ARID5B: variants seen among roughly 807,000 people sequenced by gnomAD.
ARID5B encodes AT-rich interaction domain 5B.
In ARID5B, 13 loss-of-function variants were observed where a neutral mutation model predicts 97.2. The observed-to-expected ratio is 0.13, with a 90% confidence interval of 0.09 to 0.21. ARID5B has a LOEUF of 0.21. Ranked by LOEUF, ARID5B falls within the 10% of genes least tolerant of loss-of-function variation. ARID5B has a pLI of 1.00. For missense variants in ARID5B, 1,210 were observed against 1,465.3 expected (o/e 0.83, Z 2.84); for synonymous variants, 556 against 570.3 (o/e 0.97, Z 0.36).
chr10:61,998,058 C>A (rs1393027583), intron 3 of ARID5B, among the ~76,000 whole-genome samples: 1 of 152,144 alleles, frequency 6.6e-6, no homozygotes, highest in Non-Finnish European at 1.5e-5. Context: ...ATACACAGAC[C>A]AGGCAGGAGT....
intron 3 of ARID5B, among the ~76,000 whole-genome samples, chr10:61,971,806 G>A (rs1838631691): frequency 6.6e-6 from 1 of 152,090 alleles, no homozygotes; most frequent in East Asian, 1.9e-4. Flanking sequence ...TCCTAACTTG[G>A]TGCAGCTATT....
At position 62,092,313 on chromosome 10, in the gene ARID5B, T is replaced by C. The variant is rs1589295409; in HGVS notation, c.2850T>C (p.Cys950=). The C allele has an allele frequency of 1.2e-5, 19 of 1,610,934 alleles. No homozygotes were observed. The highest frequency in any genetic ancestry group is 5.3e-5 in the African/African-American group (4 of 74,892). The stretch of plus-strand genomic sequence containing the variant: ...TCTTAGGCAGCCAGAGTCGAGACTG[T>C]CACCCCAAAGCCTGTCGGGTATCAC... The part of the protein sequence containing the change: ...FQVLGSQSRD[C]HPKACRVSPM... The change falls in exon 10 of 10, where the codon TGT becomes TGC. Residue 950 remains cysteine (C), a synonymous_variant. Coordinates refer to ENST00000279873, the MANE Select transcript of ARID5B (RefSeq NM_032199.3).
chr10:62,041,900 G>A (rs1212668973), intron 4 of ARID5B, among the ~76,000 whole-genome samples: 1 of 152,172 alleles, frequency 6.6e-6, no homozygotes, highest in Non-Finnish European at 1.5e-5. Context: ...TTTCACTTCT[G>A]TGCTGTCATG....
At chr10:61,990,821 C>A (rs573074046) in intron 3 of ARID5B, among the ~76,000 whole-genome samples, 30 of 152,300 alleles carry the variant, frequency 2.0e-4, no homozygotes, top group African/African-American at 6.3e-4. Flanking sequence ...AGTACATTCA[C>A]AATATTGTGT....
intron 3 of ARID5B, among the ~76,000 whole-genome samples, chr10:61,980,035 G>A (rs145131188): frequency 4.5e-4 from 68 of 152,172 alleles, no homozygotes; most frequent in African/African-American, 1.6e-3. Context: ...AGGGGTTGCC[G>A]TGAGCCAGGA....
chr10:62,016,043 G>T (rs1011321859), intron 4 of ARID5B, among the ~76,000 whole-genome samples: 3 of 152,236 alleles, frequency 2.0e-5, no homozygotes, highest in Non-Finnish European at 4.4e-5. Flanking sequence ...GCCTTTAGGA[G>T]ATTCAGCATT....
chr10:62,081,120 C>T (rs905605778), intron 8 of ARID5B, among the ~76,000 whole-genome samples: 2 of 152,158 alleles, frequency 1.3e-5, no homozygotes, highest in African/African-American at 4.8e-5. Context: ...GCATCTTTGA[C>T]CTGACATGCA....
intron 4 of ARID5B, among the ~76,000 whole-genome samples, chr10:62,008,992 C>T (rs1839182629): frequency 6.6e-6 from 1 of 152,160 alleles, no homozygotes; most frequent in South Asian, 2.1e-4. Flanking sequence ...GCTTCTGTCA[C>T]TTTTTTATTT....
At chr10:62,077,591 T>C (rs181917317) in intron 8 of ARID5B, among the ~76,000 whole-genome samples, 1 of 152,326 alleles carries the variant, frequency 6.6e-6, no homozygotes, top group African/African-American at 2.4e-5. Context: ...GTCTCATTTT[T>C]GTTTTTATCC....
rs765517838 is a variant in ARID5B, at chr10:61,902,145, T to C, written c.22-14T>C. ...GCTACATTATTTATTTGGTGTTTTT[T>C]TCCCCCCCTGCAGTGGGTCGGCTCA... is the stretch of plus-strand genomic sequence containing the variant. On this transcript the variant is annotated splice_polypyrimidine_tract_variant and intron_variant, in intron 1 of 9. Coordinates refer to ENST00000279873, the MANE Select transcript of ARID5B (RefSeq NM_032199.3). 14 of 1,610,504 alleles carry C rather than the reference T, an allele frequency of 8.7e-6. No individual in the cohort carries two copies. The highest frequency in any genetic ancestry group is 1.3e-5 in the African/African-American group (1 of 74,622).
At chr10:61,966,868 A>G (rs1721326708) in intron 3 of ARID5B, among the ~76,000 whole-genome samples, 1 of 152,034 alleles carries the variant, frequency 6.6e-6, no homozygotes, top group South Asian at 2.1e-4. Flanking sequence ...CAGACCATAT[A>G]TGTTGTGTAA....
intron 3 of ARID5B, among the ~76,000 whole-genome samples, chr10:61,981,996 G>T (rs1838783467): frequency 6.6e-6 from 1 of 152,158 alleles, no homozygotes; most frequent in African/African-American, 2.4e-5. Flanking sequence ...GGCATTTTAA[G>T]CTGTTTTTCT....
chr10:62,006,455 A>AAAC (rs893056869), intron 4 of ARID5B, among the ~76,000 whole-genome samples: 5 of 152,260 alleles, frequency 3.3e-5, no homozygotes, highest in Admixed American at 1.3e-4. Flanking sequence ...ACAAACAAAC[A>AAAC]AACAACAACA....
At chr10:62,045,857 G>A (rs894766269) in intron 4 of ARID5B, among the ~76,000 whole-genome samples, 1 of 152,166 alleles carries the variant, frequency 6.6e-6, no homozygotes, top group African/African-American at 2.4e-5. Flanking sequence ...CCCTAATACT[G>A]TGATCAGTGG....
intron 3 of ARID5B, among the ~76,000 whole-genome samples, chr10:61,977,793 C>T (rs1258728363): frequency 6.6e-6 from 1 of 152,184 alleles, no homozygotes; most frequent in African/African-American, 2.4e-5. Flanking sequence ...CAAAAATTCT[C>T]TCCCATTCTG....
intron 3 of ARID5B, 147 bp downstream of exon 3, chr10:61,940,555 A>G: frequency 1.4e-6 from 1 of 731,240 alleles, no homozygotes. Context: ...ATGGATGGAG[A>G]GATGACTGGA....
intron 3 of ARID5B, among the ~76,000 whole-genome samples, chr10:61,974,517 A>G (rs1838673903): frequency 6.6e-6 from 1 of 152,186 alleles, no homozygotes; most frequent in Non-Finnish European, 1.5e-5. Context: ...CTATTTTTCC[A>G]TATTGTTCAC....
chr10:61,906,719 T>C (rs1843713962), intron 2 of ARID5B, among the ~76,000 whole-genome samples: 1 of 152,174 alleles, frequency 6.6e-6, no homozygotes, highest in South Asian at 2.1e-4. Context: ...AAAATCCATG[T>C]TCTGGGGCCC....
intron 2 of ARID5B, among the ~76,000 whole-genome samples, chr10:61,919,069 C>T (rs541652465): frequency 5.3e-5 from 6 of 113,312 alleles, no homozygotes; most frequent in Admixed American, 1.2e-4. Flanking sequence ...ATAAAAGGTG[C>T]GTTAGGGGAC....
Sources: allele counts gnomAD v4.1 joint callset (sites outside exome capture counted in the v4.1 genomes callset), GRCh38; gene constraint gnomAD v4.1.1; transcripts MANE v1.5; gene names NCBI Gene and HGNC (gene_info 2026-07-23, HGNC 2026-07-21).